DNAJB1: variants seen among roughly 807,000 people sequenced by gnomAD.
The protein encoded by DNAJB1 is dnaJ homolog subfamily B member 1.
A neutral mutation model predicts 24.0 loss-of-function variants in DNAJB1; 14 were observed. The ratio of observed to expected loss-of-function variants is 0.58; its 90% CI spans 0.39 to 0.91. The LOEUF is 0.91. Among genes scored for constraint, DNAJB1 ranks in the 40% least tolerant of loss-of-function variants. The pLI, the probability that DNAJB1 is intolerant of heterozygous loss-of-function variation, is 0.00. For missense variants in DNAJB1, 517 were observed against 458.1 expected, an observed-to-expected ratio of 1.13 and a Z score of -1.17; for synonymous variants, 262 against 174.4, an observed-to-expected ratio of 1.50 and a Z score of -3.96.
At chr19:14,545,175 T>C (rs1032825928) in intron 1 of DNAJB1, 1 of 456,752 alleles carries the variant, frequency 2.2e-6, no homozygotes, top group Middle Eastern at 3.3e-4. Flanking sequence ...TCCTCATTGC[T>C]CAAGGGTAAA....
At chr19:14,540,675 A>G (rs2073067968) in intron 1 of DNAJB1, among the ~76,000 whole-genome samples, 5 of 151,930 alleles carry the variant, frequency 3.3e-5, no homozygotes. Flanking sequence ...TACAGGCATG[A>G]GCCACCGTGC....
chr19:14,533,128 G>A (rs2072735089), upstream of DNAJB1, among the ~76,000 whole-genome samples: 1 of 140,508 alleles, frequency 7.1e-6, no homozygotes, highest in African/African-American at 2.7e-5. Context: ...AATAAATAAA[G>A]GATATATTTC....
chr19:14,559,915 G>A (rs1430451651), intron 1 of DNAJB1, among the ~76,000 whole-genome samples: 1 of 152,218 alleles, frequency 6.6e-6, no homozygotes, highest in African/African-American at 2.4e-5. Context: ...ATTTGGGGCA[G>A]GAAATGGGAG....
intron 1 of DNAJB1, chr19:14,545,193 G>T: frequency 6.6e-6 from 3 of 456,750 alleles, no homozygotes; most frequent in South Asian, 4.6e-5. Flanking sequence ...AAAACCTAAA[G>T]CACTTGTCTT....
At chr19:14,519,329 G>GAGA (rs2072336006), upstream of DNAJB1, among the ~76,000 whole-genome samples, 1 of 152,168 alleles carries the variant, frequency 6.6e-6, no homozygotes, top group Non-Finnish European at 1.5e-5. Context: ...AGATCCGGCC[G>GAGA]TTGCACTCCA....
intron 1 of DNAJB1, among the ~76,000 whole-genome samples, chr19:14,547,767 T>C (rs903147712): frequency 2.0e-5 from 3 of 151,730 alleles, no homozygotes; most frequent in African/African-American, 7.3e-5. Context: ...TAAGTGATAC[T>C]CTTGCCTTAG....
At chr19:14,528,454 G>T (rs1325944951) in intron 1 of DNAJB1, among the ~76,000 whole-genome samples, 3 of 150,624 alleles carry the variant, frequency 2.0e-5, no homozygotes, top group South Asian at 2.1e-4. Flanking sequence ...CTGCCAGGCT[G>T]GTCTCGAACT....
At chr19:14,558,906 C>T (rs2146621568) in intron 1 of DNAJB1, among the ~76,000 whole-genome samples, 1 of 152,362 alleles carries the variant, frequency 6.6e-6, no homozygotes, top group Admixed American at 6.5e-5. Context: ...CTCTGTTCAG[C>T]AGCTGCCTGT....
In DNAJB1 at chr19:14,518,119, C is replaced by T. The variant is rs377424562; in HGVS notation, c.211+20G>A. On this transcript the variant is annotated intron_variant, in intron 1 of 2. Transcript: ENST00000254322. ...TGTCTGTCAAAAGGCGGGGCCGCGC[C>T]CCTGGCCGCGAGCACACACCTTCCT... The T allele has an allele frequency of 1.4e-6, 2 of 1,474,946 alleles. No homozygotes were observed. Among genetic ancestry groups the T allele is most frequent in the Non-Finnish European group, 1.8e-6 (2 of 1,114,002 alleles). The allele number at this position is 1,474,946 out of a possible 1,614,324, so 91.4% of individuals were successfully genotyped here.
At chr19:14,538,043 C>T (rs2072966924) in intron 1 of DNAJB1, among the ~76,000 whole-genome samples, 1 of 152,118 alleles carries the variant, frequency 6.6e-6, no homozygotes, top group South Asian at 2.1e-4. Flanking sequence ...ACTGCGCCGG[C>T]AGTGTGAGTG....
intron 1 of DNAJB1, 144 bp from the exon 2 acceptor site, chr19:14,517,190 T>C (rs1453294761): frequency 2.7e-6 from 2 of 751,074 alleles, no homozygotes; most frequent in East Asian, 5.4e-5. Context: ...CCCAAGTTTC[T>C]ACCTCTCACT....
At chr19:14,537,040 G>A (rs1276177919) in intron 1 of DNAJB1, among the ~76,000 whole-genome samples, 1 of 147,126 alleles carries the variant, frequency 6.8e-6, no homozygotes. Context: ...AGGGGGAGGC[G>A]GGTCCCAAGG....
At chr19:14,521,456 A>AAATAAT (rs111596555), upstream of DNAJB1, among the ~76,000 whole-genome samples, 37,917 of 142,942 alleles carry the variant, frequency 0.27, 5,372 homozygotes, top group South Asian at 0.35. Context: ...GAGAGTTTCA[A>AAATAAT]AATAATAATA....
chr19:14,541,661 A>G (rs774231131), intron 1 of DNAJB1, among the ~76,000 whole-genome samples: 1 of 152,160 alleles, frequency 6.6e-6, no homozygotes, highest in Non-Finnish European at 1.5e-5. Context: ...TTCTAGGCAG[A>G]GGGAACCGAG....
At chr19:14,558,639 C>T (rs2073815285) in intron 1 of DNAJB1, among the ~76,000 whole-genome samples, 1 of 152,198 alleles carries the variant, frequency 6.6e-6, no homozygotes, top group Non-Finnish European at 1.5e-5. Context: ...TGCCCTCTCC[C>T]TGCCCGTCGT....
chr19:14,554,097 G>A (rs1005340002), upstream of DNAJB1, among the ~76,000 whole-genome samples: 1 of 152,188 alleles, frequency 6.6e-6, no homozygotes, highest in African/African-American at 2.4e-5. Flanking sequence ...GTGTGGTGGG[G>A]TATGGCCTGG....
At chr19:14,534,466 C>T (rs532443170), upstream of DNAJB1, among the ~76,000 whole-genome samples, 27 of 105,716 alleles carry the variant, frequency 2.6e-4, no homozygotes, top group Admixed American at 2.8e-3. Context: ...GACAGAGTCT[C>T]GCTCTGTCAC....
chr19:14,520,653 G>A (rs1196220707), upstream of DNAJB1, among the ~76,000 whole-genome samples: 2 of 152,084 alleles, frequency 1.3e-5, no homozygotes, highest in East Asian at 3.9e-4. Context: ...ACTTGAGCAG[G>A]GGTCCTGAAG....
At chr19:14,535,432 G>C (rs558972861) in intron 1 of DNAJB1, among the ~76,000 whole-genome samples, 24 of 138,006 alleles carry the variant, frequency 1.7e-4, no homozygotes, top group Middle Eastern at 3.8e-3. Flanking sequence ...GGCTTGACCC[G>C]GGAGGCGGAG....
Sources: allele counts gnomAD v4.1 joint callset (sites outside exome capture counted in the v4.1 genomes callset), GRCh38; gene constraint gnomAD v4.1.1; transcripts MANE v1.5; gene names NCBI Gene and HGNC (gene_info 2026-07-23, HGNC 2026-07-21).